CEACAM21: variants seen among roughly 807,000 people sequenced by gnomAD.
The protein encoded by CEACAM21 is CEA cell adhesion molecule 21, also known as cell adhesion molecule CEACAM21.
A neutral mutation model predicts 33.2 loss-of-function variants in CEACAM21; 38 were observed. The observed-to-expected ratio is 1.14, with a 90% CI of 0.88 to 1.50. CEACAM21 has a LOEUF of 1.50. Among genes scored for constraint, CEACAM21 ranks in the 40% most tolerant of loss-of-function variants. The pLI, the probability that CEACAM21 is intolerant of heterozygous loss-of-function variation, is 0.00. For synonymous variants in CEACAM21, 156 were observed against 143.0 expected, an observed-to-expected ratio of 1.09 and a Z score of -0.65; for missense variants, 385 against 364.6, an observed-to-expected ratio of 1.06 and a Z score of -0.46.
rs1428238938 is a variant in CEACAM21, at chr19:41,579,771, A to G, written c.700+143A>G. The G allele has an allele frequency of 5.1e-5, 33 of 648,372 alleles. No individual in the cohort carries two copies. The South Asian group carries it at 6.7e-4, about 13-fold the overall frequency. 40.2% of individuals were successfully genotyped at this position (648,372 alleles called of 1,614,324 possible). A position where few individuals can be genotyped will look rare whatever the true frequency, so the allele number is the denominator to read the frequency against. On this transcript the variant is annotated intron_variant, in intron 3 of 6. Transcript: ENST00000401445. ...ATGTGGGTAAGAACTCAGGGATTAG[A>G]CTCATCCAGTTATCATCCTGGTTAC...
chr19:41,579,682 GA>G (rs201842740), intron 3 of CEACAM21, 54 bp downstream of exon 3: 43,678 of 1,252,498 alleles, frequency 0.035, 946 homozygotes, highest in Non-Finnish European at 0.04. Context: ...TCCTAGGAGG[GA>G]GGGGGGGTGT....
chr19:41,577,466 A>G lies in CEACAM21; in HGVS notation c.331A>G (p.Asn111Asp). ...ISPSGDLHFQ[N>D]VTLEDTGYYN... ...ACCCAGTGGAGATCTGCATTTCCAG[A>G]ACGTCACCCTAGAGGACACGGGATA... The change falls in exon 2 of 7, where the codon AAC becomes GAC. Residue 111 changes from asparagine to aspartate, a missense_variant. Transcript: ENST00000401445. 1.2e-6 allele frequency: 2 copies of G among 1,613,374 alleles called. No individual in the cohort carries two copies. Among genetic ancestry groups the G allele is most frequent in the South Asian group, 2.2e-5 (2 of 91,050 alleles).
Position 41,570,137 on chromosome 19 carries a change from G to A in CEACAM21, c.-404+5081G>A, listed in dbSNP as rs554857023. Among the ~76,000 whole-genome samples, 11 of 152,302 alleles carry A rather than the reference G, an allele frequency of 7.2e-5. No homozygotes were observed. In the South Asian group the frequency reaches 1.5e-3, roughly 20 times the overall value. On this transcript the variant is annotated intron_variant, in intron 2 of 7. Transcript: ENST00000407170. ...AGACTGGGGGTGTCAGGAGAGCTGG[G>A]CGTCCCACAGAACTGCACAGAATAA...
chr19:41,577,779 T>C (rs1318708945), intron 2 of CEACAM21, among the ~76,000 whole-genome samples: 2 of 152,182 alleles, frequency 1.3e-5, no homozygotes, highest in Non-Finnish European at 2.9e-5. Context: ...GCAAGAAGGA[T>C]AGTCTGATGC....
chr19:41,559,841 C>T (rs539328050), intron 1 of CEACAM21, among the ~76,000 whole-genome samples: 3 of 152,222 alleles, frequency 2.0e-5, no homozygotes, highest in Non-Finnish European at 4.4e-5. Flanking sequence ...GGATGTGATG[C>T]TGCATGCTTG....
At chr19:41,568,266 G>A (rs577767142) in intron 2 of CEACAM21, among the ~76,000 whole-genome samples, 36 of 151,114 alleles carry the variant, frequency 2.4e-4, no homozygotes, top group Admixed American at 9.2e-4. Context: ...TTTCTTTGCT[G>A]TATAAAAGCT....
At chr19:41,551,986 T>G (rs1298480883) in intron 1 of CEACAM21, 1 of 152,040 alleles carries the variant, frequency 6.6e-6, no homozygotes, top group Non-Finnish European at 1.5e-5. Flanking sequence ...GCAGATAAAC[T>G]GGGGAGGAAG....
chr19:41,579,068 C>G (rs1486193917), intron 2 of CEACAM21, among the ~76,000 whole-genome samples: 1 of 152,094 alleles, frequency 6.6e-6, no homozygotes, highest in Non-Finnish European at 1.5e-5. Flanking sequence ...CTAAAGCCAC[C>G]CCAGGTATTG....
At chr19:41,552,058 C>A (rs1180318379) in intron 1 of CEACAM21, 1 of 152,198 alleles carries the variant, frequency 6.6e-6, no homozygotes, top group Non-Finnish European at 1.5e-5. Context: ...TCCAGACCAA[C>A]TGTAAATTAC....
At chr19:41,562,687 T>C (rs1267916031) in intron 1 of CEACAM21, among the ~76,000 whole-genome samples, 2 of 150,324 alleles carry the variant, frequency 1.3e-5, no homozygotes, top group Non-Finnish European at 3.0e-5. Context: ...AACATAATTT[T>C]GACCGAAAAA....
In CEACAM21 at chr19:41,577,304, T is replaced by C. The variant is rs1295970858; in HGVS notation, c.169T>C (p.Tyr57His). 1.2e-6 allele frequency: 2 copies of C among 1,614,096 alleles called. No homozygotes were observed. The highest frequency in any genetic ancestry group is 1.7e-6 in the Non-Finnish European group (2 of 1,179,984). The stretch of plus-strand genomic sequence containing the variant: ...GGAGAATGTTCATCTCTCTGTGGTT[T>C]ATCTGCCCGAGAATCTTTACAGCTA... Reference protein sequence around the residue: ...EGENVHLSVVYLPENLYSYGW... With the variant: ...EGENVHLSVVHLPENLYSYGW... The change falls in exon 2 of 7, where the codon TAT becomes CAT. Residue 57 changes from tyrosine to histidine, a missense_variant. Transcript: ENST00000401445.
At chr19:41,579,296 A>T in intron 2 of CEACAM21, 57 bp from the exon 3 acceptor site, 1 of 1,613,316 alleles carries the variant, frequency 6.2e-7, no homozygotes, top group African/African-American at 1.3e-5. Context: ...TGACTCTGAG[A>T]TCTCTGAGGA....
intron 1 of CEACAM21, among the ~76,000 whole-genome samples, chr19:41,556,010 G>A (rs1555785510): frequency 6.6e-6 from 1 of 152,198 alleles, no homozygotes; most frequent in East Asian, 1.9e-4. Flanking sequence ...AAATAAAAGA[G>A]AGCAGAGCTG....
chr19:41,574,622 C>T (rs182075683), upstream of CEACAM21, among the ~76,000 whole-genome samples: 262 of 152,134 alleles, frequency 1.7e-3, 3 homozygotes, highest in Non-Finnish European at 2.7e-3. Flanking sequence ...AAATGAAAAT[C>T]AAAACTGCAA....
rs781850180 is a variant in CEACAM21, at chr19:41,579,517, C to A, written c.589C>A (p.His197Asn). ...GAGGATGAAGCTGTCCTGGTTTAAC[C>A]ATGTGCTCACCATAGACCCCATCAG... is the stretch of plus-strand genomic sequence containing the variant. Reference protein sequence around the residue: ...TKRMKLSWFNHVLTIDPIRQE... With the variant: ...TKRMKLSWFNNVLTIDPIRQE... Residue 197 changes from histidine (H) to asparagine (N), a missense_variant, in exon 3 of 7, where the codon CAT becomes AAT. Physicochemically the swap from His to Asn is moderately conservative, Grantham distance 68. Transcript: ENST00000401445. The A allele has an allele frequency of 1.9e-6, 3 of 1,613,566 alleles. No individual in the cohort carries two copies. The highest frequency in any genetic ancestry group is 8.5e-7 in the Non-Finnish European group (1 of 1,179,736).
intron 3 of CEACAM21, among the ~76,000 whole-genome samples, chr19:41,580,758 T>C (rs572038582): frequency 3.3e-5 from 5 of 152,334 alleles, no homozygotes; most frequent in South Asian, 4.1e-4. Context: ...GACATAGATA[T>C]GATTGATTTA....
chr19:41,573,043 G>A (rs1368940553), upstream of CEACAM21, among the ~76,000 whole-genome samples: 1 of 152,172 alleles, frequency 6.6e-6, no homozygotes, highest in East Asian at 1.9e-4. Flanking sequence ...GACCAAGCTT[G>A]AGGCCTCAGG....
chr19:41,568,708 T>C (rs1035016432), intron 2 of CEACAM21, among the ~76,000 whole-genome samples: 20 of 152,230 alleles, frequency 1.3e-4, no homozygotes, highest in African/African-American at 4.3e-4. Context: ...ATGCTTTGAT[T>C]GTCAGGAAGT....
intron 2 of CEACAM21, among the ~76,000 whole-genome samples, chr19:41,570,878 G>A (rs2042562709): frequency 6.6e-6 from 1 of 152,154 alleles, no homozygotes; most frequent in Non-Finnish European, 1.5e-5. Context: ...TTGGACTAAG[G>A]GGTGAGTTCA....
Sources: gnomAD v4.1 joint callset for allele counts (sites outside exome capture counted in the v4.1 genomes callset) on GRCh38, gnomAD v4.1.1 for gene constraint, MANE v1.5 for transcripts, NCBI Gene and HGNC (gene_info 2026-07-23, HGNC 2026-07-21) for gene names.